The following GNB4 variants were observed in gnomAD, a reference collection of about 807,000 sequenced individuals.
GNB4 encodes G protein subunit beta 4.
A neutral mutation model predicts 45.2 loss-of-function variants in GNB4; 28 were observed. The observed-to-expected ratio is 0.62, with a 90% CI of 0.46 to 0.85. GNB4 has a LOEUF of 0.85. Ranked by LOEUF, GNB4 falls within the 40% of genes least tolerant of loss-of-function variation. The probability of loss-of-function intolerance (pLI) is 0.00; values close to 1 mark genes in which losing one functional copy is unlikely to be tolerated. For synonymous variants in GNB4, 132 were observed against 143.7 expected (o/e 0.92, Z 0.58); for missense variants, 321 against 425.4 (o/e 0.75, Z 2.16).
the GNB4 span, among the ~76,000 whole-genome samples, chr3:179,485,438 A>G: frequency 3.3e-5 from 5 of 152,150 alleles, no homozygotes; most frequent in Non-Finnish European, 5.9e-5. Flanking sequence ...CCTGTACTGT[A>G]TGTCAACCCA....
chr3:179,417,066 A>G (rs1049175263), intron 4 of GNB4, among the ~76,000 whole-genome samples: 2 of 152,216 alleles, frequency 1.3e-5, no homozygotes, highest in African/African-American at 4.8e-5. Flanking sequence ...GTAAGTAAAA[A>G]CTGTCAGAAG....
At chr3:179,460,273 TA>T in the GNB4 span, among the ~76,000 whole-genome samples, 3 of 152,234 alleles carry the variant, frequency 2.0e-5, 1 homozygote, top group South Asian at 6.2e-4. Flanking sequence ...ACCTCATTGT[TA>T]AAAATCTCAC....
Position 179,399,646 on chromosome 3 carries a change from A to G in GNB4, c.*1567T>C, listed in dbSNP as rs977651373. The G allele has an allele frequency of 3.9e-5, 6 of 152,246 alleles. No individual in the cohort carries two copies. The highest frequency in any genetic ancestry group is 7.3e-5 in the Non-Finnish European group (5 of 68,040). 9.4% of individuals were successfully genotyped at this position (152,246 alleles called of 1,614,324 possible). ...CAACTGATTTTAATAAAACTGATAC[A>G]TCTTTACAGTTGATGCACATATTAG... On this transcript the variant is annotated 3_prime_UTR_variant, in exon 10 of 10. Transcript: ENST00000232564.
chr3:179,430,571 G>C (rs1348387915), intron 1 of GNB4, among the ~76,000 whole-genome samples: 1 of 150,746 alleles, frequency 6.6e-6, no homozygotes, highest in African/African-American at 2.4e-5. Context: ...TTCCACCTCA[G>C]CCTCCCCCAG....
At chr3:179,425,750 C>T (rs1045114727) in intron 2 of GNB4, among the ~76,000 whole-genome samples, 13 of 152,344 alleles carry the variant, frequency 8.5e-5, no homozygotes, top group African/African-American at 1.4e-4. Context: ...GGATTACAGG[C>T]ATGAGCCACT....
chr3:179,440,210 G>A (rs1715561240), intron 1 of GNB4, among the ~76,000 whole-genome samples: 1 of 152,064 alleles, frequency 6.6e-6, no homozygotes, highest in Admixed American at 6.6e-5. Flanking sequence ...TATGATTTTT[G>A]GGGGGCAGCT....
chr3:179,432,224 T>TG (rs1715328776), intron 1 of GNB4, among the ~76,000 whole-genome samples: 1 of 152,228 alleles, frequency 6.6e-6, no homozygotes, highest in Non-Finnish European at 1.5e-5. Context: ...ACCCTTGTGA[T>TG]GCCTGTGCCA....
the GNB4 span, chr3:179,464,542 A>G: frequency 2.8e-5 from 44 of 1,588,864 alleles, no homozygotes; most frequent in Non-Finnish European, 3.7e-5. Flanking sequence ...TCAGGCGACA[A>G]ACGGCCACAC....
intron 5 of GNB4, among the ~76,000 whole-genome samples, chr3:179,415,850 CTCAA>C (rs1714784937): frequency 6.6e-6 from 1 of 151,978 alleles, no homozygotes; most frequent in Non-Finnish European, 1.5e-5. Context: ...GCTTTAAAAT[CTCAA>C]TCAGGTTGAA....
the GNB4 span, among the ~76,000 whole-genome samples, chr3:179,502,258 G>A: frequency 1.6e-5 from 2 of 127,038 alleles, no homozygotes; most frequent in Non-Finnish European, 3.3e-5. Flanking sequence ...TTTTGAGAGG[G>A]AGTTTTGCTC....
Position 179,418,848 on chromosome 3 carries a change from AATCT to A in GNB4, c.203+547_203+550del, listed in dbSNP as rs1344840825. Reference sequence around the variant, plus strand: ...CACATAGTGAATGACAGTGATGAGCAATCTATCTAACTGTAGGCCACGTAGCAGC... The same window carrying A: ...CACATAGTGAATGACAGTGATGAGCAATCTAACTGTAGGCCACGTAGCAGC... On this transcript the variant is annotated intron_variant, in intron 4 of 9. Transcript: ENST00000232564. Among the ~76,000 whole-genome samples, 5 of 152,370 alleles carry A rather than the reference AATCT, an allele frequency of 3.3e-5. No individual in the cohort carries two copies. The East Asian group carries it at 5.8e-4, about 18-fold the overall frequency.
chr3:179,414,317 A>G (rs1017851279), intron 6 of GNB4, among the ~76,000 whole-genome samples: 1 of 152,204 alleles, frequency 6.6e-6, no homozygotes, highest in African/African-American at 2.4e-5. Context: ...TCAGTGTTTC[A>G]AAATATGGAA....
At chr3:179,411,479 A>C (rs562635846) in intron 8 of GNB4, among the ~76,000 whole-genome samples, 1 of 151,784 alleles carries the variant, frequency 6.6e-6, no homozygotes, top group Admixed American at 6.6e-5. Context: ...AAAAAAAAAA[A>C]CAGGAGAAAA....
At chr3:179,427,005 T>C (rs1248982991) in intron 1 of GNB4, among the ~76,000 whole-genome samples, 1 of 152,102 alleles carries the variant, frequency 6.6e-6, no homozygotes, top group African/African-American at 2.4e-5. Context: ...TGACCTCATG[T>C]ATCACTCTCA....
At chr3:179,402,377 A>G (rs908187272) in intron 9 of GNB4, among the ~76,000 whole-genome samples, 18 of 152,336 alleles carry the variant, frequency 1.2e-4, no homozygotes, top group Admixed American at 5.9e-4. Context: ...AATTGTTTCA[A>G]TCCAGGCAAA....
chr3:179,505,624 A>G, the GNB4 span, among the ~76,000 whole-genome samples: 1 of 152,208 alleles, frequency 6.6e-6, no homozygotes, highest in South Asian at 2.1e-4. Context: ...GTGTCTCTCC[A>G]TGTGAAAGAA....
the GNB4 span, among the ~76,000 whole-genome samples, chr3:179,494,090 A>C: frequency 1.3e-5 from 2 of 152,102 alleles, no homozygotes; most frequent in East Asian, 1.9e-4. Context: ...GTGATCACCA[A>C]AACTACCTTG....
At chr3:179,489,045 T>TAA in the GNB4 span, among the ~76,000 whole-genome samples, 6 of 71,512 alleles carry the variant, frequency 8.4e-5, no homozygotes, top group Admixed American at 5.3e-4. Context: ...TATATATATA[T>TAA]AATATATATG....
intron 8 of GNB4, chr3:179,405,915 C>T (rs1248950147): frequency 6.6e-6 from 1 of 152,214 alleles, no homozygotes; most frequent in African/African-American, 2.4e-5. Flanking sequence ...CTCAAGTCAA[C>T]ATTATTAAAT....
Sources: gnomAD v4.1 joint callset for allele counts (sites outside exome capture counted in the v4.1 genomes callset) on GRCh38, gnomAD v4.1.1 for gene constraint, MANE v1.5 for transcripts, NCBI Gene and HGNC (gene_info 2026-07-23, HGNC 2026-07-21) for gene names.